The following PRKCE variants were observed in gnomAD, a reference collection of about 807,000 sequenced individuals.
PRKCE encodes the protein protein kinase C epsilon type.
Under a neutral mutation model 85.4 loss-of-function variants are expected in PRKCE, and 16 were observed. That is an observed-to-expected ratio of 0.19 (90% CI 0.13 to 0.28). PRKCE has a LOEUF of 0.28. PRKCE is among the 10% of genes least tolerant of loss of function. The pLI, the probability that PRKCE is intolerant of heterozygous loss-of-function variation, is 1.00. For missense variants in PRKCE, 573 were observed against 975.2 expected (o/e 0.59, Z 5.49); for synonymous variants, 388 against 371.5 (o/e 1.04, Z -0.51).
intron 10 of PRKCE, chr2:46,010,784 T>G (rs769370864): frequency 1.3e-6 from 2 of 1,594,078 alleles, no homozygotes; most frequent in Non-Finnish European, 1.7e-6. Context: ...CTAAACTCAC[T>G]GTTTGCTCAT....
At chr2:45,882,649 T>C (rs1289095663) in intron 2 of PRKCE, among the ~76,000 whole-genome samples, 2 of 152,198 alleles carry the variant, frequency 1.3e-5, no homozygotes, top group African/African-American at 4.8e-5. Flanking sequence ...ATTCAGAAAA[T>C]TGGCTTATTC....
chr2:45,892,403 T>C (rs571315610), intron 2 of PRKCE, among the ~76,000 whole-genome samples: 1 of 152,242 alleles, frequency 6.6e-6, no homozygotes, highest in South Asian at 2.1e-4. Context: ...ACTTTCTTTT[T>C]TTTTCATAAG....
chr2:45,717,952 A>T (rs1055494542), intron 1 of PRKCE, among the ~76,000 whole-genome samples: 1 of 152,186 alleles, frequency 6.6e-6, no homozygotes, highest in Non-Finnish European at 1.5e-5. Flanking sequence ...CCTTTTATAT[A>T]TGAGCAAAGA....
At chr2:46,132,934 G>C (rs569535639) in intron 11 of PRKCE, among the ~76,000 whole-genome samples, 1 of 152,158 alleles carries the variant, frequency 6.6e-6, no homozygotes, top group African/African-American at 2.4e-5. Context: ...GCAGGAAGAC[G>C]TGCCTTCCCT....
Position 45,774,535 on chromosome 2 carries a change from C to T in PRKCE, c.349-68465C>T, listed in dbSNP as rs1298289712. Among the ~76,000 whole-genome samples, 1 of 152,152 alleles carries T rather than the reference C, an allele frequency of 6.6e-6. No homozygotes were observed. Among genetic ancestry groups the T allele is most frequent in the Admixed American group, 6.5e-5 (1 of 15,272 alleles). On this transcript the variant is annotated intron_variant, in intron 1 of 14. Transcript: ENST00000306156. This position sits in a 1 kb window ranked among gnomAD's most constrained non-coding sequence, Gnocchi z 4.3. ...GTCTCCTTTCCATCATGCCAAAGCA[C>T]CCCATGCCTTGGGGAAAGCTGAATG... is the stretch of plus-strand genomic sequence containing the variant.
chr2:46,161,112 G>A (rs1026288043), intron 14 of PRKCE, among the ~76,000 whole-genome samples: 5 of 152,190 alleles, frequency 3.3e-5, no homozygotes, highest in African/African-American at 7.2e-5. Context: ...ACCATTCCAA[G>A]CCAGGAGGGC....
intron 2 of PRKCE, among the ~76,000 whole-genome samples, chr2:45,932,085 T>TC (rs923934402): frequency 1.3e-5 from 2 of 152,136 alleles, no homozygotes; most frequent in African/African-American, 4.8e-5. Flanking sequence ...GCCAGCCCCC[T>TC]CCATCCTCTC....
At chr2:45,841,896 A>T (rs572280707) in intron 1 of PRKCE, among the ~76,000 whole-genome samples, 30 of 152,336 alleles carry the variant, frequency 2.0e-4, no homozygotes, top group African/African-American at 7.2e-4. Context: ...TGCTGGGGAC[A>T]GTGAAAAAGG....
At chr2:45,939,518 A>G (rs1699726445) in intron 2 of PRKCE, among the ~76,000 whole-genome samples, 2 of 152,110 alleles carry the variant, frequency 1.3e-5, no homozygotes, top group African/African-American at 4.8e-5. Context: ...ACTAAGAGAA[A>G]ATGTAATGCA....
chr2:46,161,361 A>G (rs1053510717), intron 14 of PRKCE, among the ~76,000 whole-genome samples: 3 of 152,252 alleles, frequency 2.0e-5, no homozygotes, highest in African/African-American at 7.2e-5. Context: ...AAGTTAATCA[A>G]CCCAAAGAAA....
chr2:46,057,774 T>G (rs1453161447), intron 10 of PRKCE, among the ~76,000 whole-genome samples: 1 of 152,158 alleles, frequency 6.6e-6, no homozygotes, highest in Non-Finnish European at 1.5e-5. Flanking sequence ...TCTCAAGCAT[T>G]CAGGCGTCAG....
At chr2:45,975,631 A>G (rs1468992163) in intron 2 of PRKCE, among the ~76,000 whole-genome samples, 1 of 152,184 alleles carries the variant, frequency 6.6e-6, no homozygotes, top group Non-Finnish European at 1.5e-5. Flanking sequence ...GGGCAAAAAT[A>G]TGTAGCCCAT....
At chr2:45,721,054 C>G (rs890951629) in intron 1 of PRKCE, among the ~76,000 whole-genome samples, 14 of 152,142 alleles carry the variant, frequency 9.2e-5, no homozygotes, top group African/African-American at 3.4e-4. Context: ...TTGCAGTGAG[C>G]TGAGATTGTG....
At chr2:45,788,538 C>T (rs1016990656) in intron 1 of PRKCE, among the ~76,000 whole-genome samples, 3 of 152,214 alleles carry the variant, frequency 2.0e-5, no homozygotes, top group African/African-American at 7.2e-5. Flanking sequence ...TGCTTCTACA[C>T]AGCCTCTCTC....
chr2:45,915,887 G>T (rs1366106324), intron 2 of PRKCE, among the ~76,000 whole-genome samples: 1 of 152,246 alleles, frequency 6.6e-6, no homozygotes, highest in South Asian at 2.1e-4. Flanking sequence ...GTCACAGGTG[G>T]ATTTAAGGAA....
intron 14 of PRKCE, among the ~76,000 whole-genome samples, chr2:46,177,970 A>G (rs1333786636): frequency 1.3e-5 from 2 of 152,170 alleles, no homozygotes; most frequent in Non-Finnish European, 2.9e-5. Context: ...ATGGATTTAA[A>G]AAAAAATGGC....
chr2:45,803,144 TG>T (rs1250027581), intron 1 of PRKCE, among the ~76,000 whole-genome samples: 2 of 152,226 alleles, frequency 1.3e-5, no homozygotes, highest in African/African-American at 4.8e-5. Flanking sequence ...CAGACCGTGG[TG>T]GATCTTAGAG....
intron 12 of PRKCE, among the ~76,000 whole-genome samples, chr2:46,147,080 A>G (rs1436868031): frequency 1.3e-5 from 2 of 152,166 alleles, no homozygotes; most frequent in African/African-American, 4.8e-5. Flanking sequence ...GGCCTGAGGA[A>G]CATCTCGAAG....
At chr2:45,868,333 A>C (rs911492492) in intron 2 of PRKCE, among the ~76,000 whole-genome samples, 15 of 127,314 alleles carry the variant, frequency 1.2e-4, no homozygotes, top group African/African-American at 4.2e-4. Flanking sequence ...AAAAAAAAAA[A>C]AAAAAAAAAC....
Sources: gnomAD v4.1 joint callset for allele counts (sites outside exome capture counted in the v4.1 genomes callset) on GRCh38, gnomAD v4.1.1 for gene constraint, Gnocchi (gnomAD v3.1) non-coding constraint, MANE v1.5 for transcripts, NCBI Gene and HGNC (gene_info 2026-07-23, HGNC 2026-07-21) for gene names.